PDE10A: variants seen among roughly 807,000 people sequenced by gnomAD.
PDE10A encodes phosphodiesterase 10A.
PDE10A carries 39 observed loss-of-function variants against 97.7 expected under a neutral mutation model. The observed-to-expected ratio is 0.40, with a 90% CI of 0.31 to 0.52. The LOEUF (loss-of-function observed/expected upper bound fraction) is 0.52. Among genes scored for constraint, PDE10A ranks in the 20% least tolerant of loss-of-function variants. The pLI, the probability that PDE10A is intolerant of heterozygous loss-of-function variation, is 0.56. For synonymous variants in PDE10A, 371 were observed against 376.8 expected (o/e 0.98, Z 0.18); for missense variants, 731 against 1,047.8 (o/e 0.70, Z 4.17).
chr6:165,400,730 T>A lies in PDE10A; in HGVS notation c.2077-4271A>T, dbSNP rs184249518. On this transcript the variant is annotated intron_variant, in intron 13 of 21. Transcript: ENST00000539869. ...AATCTTTACCCAAGCGAGATGAAAG[T>A]CTATGGCCACTTAAAGGCTTGTACA... 1.6e-4 allele frequency among the ~76,000 whole-genome samples: 25 copies of A among 152,286 alleles called. No homozygotes were observed. In the East Asian group the frequency reaches 4.8e-3, roughly 29 times the overall value.
chr6:165,545,543 C>T (rs1007325079), intron 1 of PDE10A, among the ~76,000 whole-genome samples: 1 of 151,828 alleles, frequency 6.6e-6, no homozygotes, highest in African/African-American at 2.4e-5. Flanking sequence ...AGATATGCAT[C>T]CAAAATAAAC....
intron 1 of PDE10A, among the ~76,000 whole-genome samples, chr6:165,564,119 C>T (rs1435986989): frequency 6.6e-6 from 1 of 152,190 alleles, no homozygotes; most frequent in African/African-American, 2.4e-5. Flanking sequence ...CCCCTAAAAT[C>T]CTCAATTCAA....
In PDE10A at chr6:165,895,228, A is replaced by G. The variant is rs1039884410; in HGVS notation, c.-615+92301T>C. Among the ~76,000 whole-genome samples, 21 of 152,200 alleles carry G rather than the reference A, an allele frequency of 1.4e-4. 1 individual carries two copies. The highest frequency in any genetic ancestry group is 1.3e-3 in the Admixed American group (20 of 15,290). ...TCTTTGCAGATGTGAGGATGAGGTC[A>G]TACTCCATCAGGGCGGGCTCCACTC... On this transcript the variant is annotated intron_variant, in intron 1 of 19. Transcript: ENST00000366882.
intron 3 of PDE10A, among the ~76,000 whole-genome samples, chr6:165,460,497 G>A (rs1218866954): frequency 6.6e-6 from 1 of 152,162 alleles, no homozygotes; most frequent in Non-Finnish European, 1.5e-5. Flanking sequence ...GCTGATAAAC[G>A]TCCTACTTGT....
intron 1 of PDE10A, among the ~76,000 whole-genome samples, chr6:165,866,782 A>G (rs1781066185): frequency 6.6e-6 from 1 of 151,762 alleles, no homozygotes; most frequent in Non-Finnish European, 1.5e-5. Context: ...ATGGGATGAC[A>G]TAGTCAAAGT....
At chr6:165,454,462 A>T (rs1170106342) in intron 3 of PDE10A, among the ~76,000 whole-genome samples, 1 of 152,218 alleles carries the variant, frequency 6.6e-6, no homozygotes, top group Non-Finnish European at 1.5e-5. Context: ...GTGGGACCTT[A>T]AGAGATGATT....
At chr6:165,387,522 C>T (rs1321267732) in intron 17 of PDE10A, among the ~76,000 whole-genome samples, 1 of 152,236 alleles carries the variant, frequency 6.6e-6, no homozygotes, top group African/African-American at 2.4e-5. Context: ...TGCTTCGCAA[C>T]TTGCCTATGG....
Position 165,696,084 on chromosome 6 carries a change from A to C in PDE10A, c.-614-152516T>G, listed in dbSNP as rs547103350. On this transcript the variant is annotated intron_variant, in intron 1 of 19. Transcript: ENST00000366882. ...CCTCTCAAGCAGCAACATCAGAGAC[A>C]TGACACTGTGTGTTGGTGTTGGGGA... 3.0e-4 allele frequency among the ~76,000 whole-genome samples: 45 copies of C among 152,266 alleles called. No individual in the cohort carries two copies. In the East Asian group the frequency reaches 5.4e-3, roughly 18 times the overall value.
intron 2 of PDE10A, among the ~76,000 whole-genome samples, chr6:165,538,226 T>C (rs1390671198): frequency 6.6e-6 from 1 of 152,054 alleles, no homozygotes; most frequent in Non-Finnish European, 1.5e-5. Flanking sequence ...GAGAAAAACA[T>C]ATACTAACTA....
chr6:165,935,805 T>C (rs557109371), intron 1 of PDE10A, among the ~76,000 whole-genome samples: 2 of 152,320 alleles, frequency 1.3e-5, no homozygotes, highest in South Asian at 4.1e-4. Context: ...TTCTGCCCCC[T>C]TGTTGTCTCT....
intron 1 of PDE10A, among the ~76,000 whole-genome samples, chr6:165,891,657 A>C (rs1562785228): frequency 1.3e-5 from 2 of 152,016 alleles, no homozygotes; most frequent in Non-Finnish European, 2.9e-5. Flanking sequence ...GGAGACTAGA[A>C]TGAGGGATCT....
intron 10 of PDE10A, among the ~76,000 whole-genome samples, chr6:165,428,069 G>C (rs539482195): frequency 2.0e-5 from 3 of 152,118 alleles, no homozygotes; most frequent in African/African-American, 7.2e-5. Context: ...TATTGCAGAA[G>C]AGTACTGTAG....
rs370389879 is a variant in PDE10A, at chr6:165,433,025, G to T, written c.1440C>A (p.Leu480=). 1.2e-6 allele frequency: 2 copies of T among 1,613,830 alleles called. No individual in the cohort carries two copies. The highest frequency in any genetic ancestry group is 2.2e-5 in the East Asian group (1 of 44,854). Residue 480 remains leucine, a synonymous_variant, in exon 7 of 22, where the codon CTC becomes CTA. Coordinates refer to ENST00000539869, the MANE Select transcript of PDE10A (RefSeq NM_001385079.1). ...VTAIGDLIGI[L]ELYRHWGKEA... is the part of the protein sequence containing the mutation. ...CTTTGCCCCAGTGCCGATACAGCTC[G>T]AGAATACCAATCAAGTCACCAATTG...
At position 165,573,293 on chromosome 6, in the gene PDE10A, A is replaced by G. The variant is rs989887623; in HGVS notation, c.866-29725T>C. Among the ~76,000 whole-genome samples, 4 of 145,560 alleles carry G rather than the reference A, an allele frequency of 2.7e-5. 1 individual carries two copies. Among genetic ancestry groups the G allele is most frequent in the African/African-American group, 5.1e-5 (2 of 39,400 alleles). ...ATGTCTGGGTTTTTTTTTTTTTTTTAATCAGTAGAGAGTGCGTTTGGCCTA... is the reference window on the plus strand; with the variant it reads ...ATGTCTGGGTTTTTTTTTTTTTTTTGATCAGTAGAGAGTGCGTTTGGCCTA... On this transcript the variant is annotated intron_variant, in intron 1 of 21. Transcript: ENST00000539869.
At chr6:165,951,479 T>C (rs531417961) in intron 1 of PDE10A, among the ~76,000 whole-genome samples, 2 of 152,210 alleles carry the variant, frequency 1.3e-5, no homozygotes, top group East Asian at 1.9e-4. Context: ...AGCTCCTTGG[T>C]TGATTTCCCT....
chr6:165,386,535 C>A (rs61366702), intron 17 of PDE10A, among the ~76,000 whole-genome samples: 27,998 of 151,862 alleles, frequency 0.18, 3,074 homozygotes, highest in African/African-American at 0.3. Flanking sequence ...TTGTTTCTGG[C>A]GTTTATTCTT....
chr6:165,644,772 G>A (rs1583704219), intron 1 of PDE10A, among the ~76,000 whole-genome samples: 1 of 152,200 alleles, frequency 6.6e-6, no homozygotes, highest in East Asian at 1.9e-4. Context: ...GATGGCACGT[G>A]TTTCAGACTT....
intron 18 of PDE10A, among the ~76,000 whole-genome samples, chr6:165,356,952 G>A (rs1328861147): frequency 6.6e-6 from 1 of 152,020 alleles, no homozygotes; most frequent in Non-Finnish European, 1.5e-5. Context: ...CCAATTCAGA[G>A]TACTACAGAA....
chr6:165,879,284 T>A (rs990231226), intron 1 of PDE10A, among the ~76,000 whole-genome samples: 2 of 152,226 alleles, frequency 1.3e-5, no homozygotes, highest in African/African-American at 4.8e-5. Context: ...GTGAATTTTA[T>A]CAAATTTGCT....
Sources: gnomAD v4.1 joint callset for allele counts (sites outside exome capture counted in the v4.1 genomes callset) on GRCh38, gnomAD v4.1.1 for gene constraint, MANE v1.5 for transcripts, NCBI Gene and HGNC (gene_info 2026-07-23, HGNC 2026-07-21) for gene names.